Variants in AP3B2 observed in about 807,000 individuals in gnomAD.
The protein encoded by AP3B2 is adaptor related protein complex 3 subunit beta 2.
Under a neutral mutation model 126.9 loss-of-function variants are expected in AP3B2, and 50 were observed. That is an observed-to-expected ratio of 0.39 (90% CI 0.31 to 0.50). The LOEUF (loss-of-function observed/expected upper bound fraction) is 0.50. AP3B2 is among the 20% of genes least tolerant of loss of function. The probability of loss-of-function intolerance (pLI) is 0.79; values close to 1 mark genes in which losing one functional copy is unlikely to be tolerated. For missense variants in AP3B2, 1,177 were observed against 1,426.4 expected (o/e 0.83, Z 2.82); for synonymous variants, 541 against 565.0 (o/e 0.96, Z 0.60).
At chr15:82,698,339 C>G (rs926461284) in intron 1 of AP3B2, among the ~76,000 whole-genome samples, 1 of 151,956 alleles carries the variant, frequency 6.6e-6, no homozygotes, top group Non-Finnish European at 1.5e-5. Context: ...ACCCCCCAGA[C>G]ATATACCACC....
intron 14 of AP3B2, among the ~76,000 whole-genome samples, chr15:82,674,895 G>A (rs567284947): frequency 1.3e-5 from 2 of 151,444 alleles, no homozygotes; most frequent in Non-Finnish European, 1.5e-5. Flanking sequence ...GTGACAACTT[G>A]GGGGAAATGA....
chr15:82,687,210 T>C (rs550509579), intron 4 of AP3B2: 8 of 152,344 alleles, frequency 5.3e-5, no homozygotes, highest in African/African-American at 1.7e-4. Flanking sequence ...AGCCCTTGGA[T>C]AAAATCTGTC....
At chr15:82,697,339 T>TAAAAAATAAAA (rs1199221495) in intron 1 of AP3B2, among the ~76,000 whole-genome samples, 3 of 148,942 alleles carry the variant, frequency 2.0e-5, no homozygotes, top group African/African-American at 7.4e-5. Context: ...ATCTCAAAAA[T>TAAAAAATAAAA]AAAAAATAAA....
At chr15:82,679,458 C>T (rs1450168639) in intron 10 of AP3B2, among the ~76,000 whole-genome samples, 1 of 152,216 alleles carries the variant, frequency 6.6e-6, no homozygotes, top group African/African-American at 2.4e-5. Flanking sequence ...ATAATGTACA[C>T]ATCCTGGGAT....
At chr15:82,705,600 A>G (rs1388174597) in intron 1 of AP3B2, among the ~76,000 whole-genome samples, 1 of 152,094 alleles carries the variant, frequency 6.6e-6, no homozygotes, top group Non-Finnish European at 1.5e-5. Context: ...TCAGCAAACT[A>G]CCTAGGCTGT....
chr15:82,677,483 C>G (rs2048262841), intron 12 of AP3B2, 100 bp from the exon 13 acceptor site: 1 of 1,387,486 alleles, frequency 7.2e-7, no homozygotes, highest in Non-Finnish European at 9.9e-7. Flanking sequence ...GGCTCTTTCT[C>G]TCAACCCCCT....
In AP3B2 at chr15:82,664,282, G is replaced by A. The variant is rs1437646580; in HGVS notation, c.2261+85C>T. 1.3e-6 allele frequency: 2 copies of A among 1,599,908 alleles called. No individual in the cohort carries two copies. Among genetic ancestry groups the A allele is most frequent in the African/African-American group, 2.7e-5 (2 of 74,672 alleles). The stretch of plus-strand genomic sequence containing the variant: ...CTCACGAGGGGCTCAGGGGCTCTTA[G>A]GAGACTGGCTAAAGCTCAATGCTAG... On this transcript the variant is annotated intron_variant, in intron 19 of 26. Transcript: ENST00000535359. This position sits in a 1 kb window ranked among gnomAD's most constrained non-coding sequence, Gnocchi z 4.5.
intron 1 of AP3B2, among the ~76,000 whole-genome samples, chr15:82,696,552 TG>T (rs1347332718): frequency 2.0e-5 from 3 of 152,322 alleles, no homozygotes; most frequent in African/African-American, 7.2e-5. Flanking sequence ...CACTCCAGCC[TG>T]GGTGACAGAG....
In AP3B2 at chr15:82,665,027, C is replaced by T. The variant is rs1475375767; in HGVS notation, c.2029-84G>A. The T allele has an allele frequency of 1.7e-6, 2 of 1,188,796 alleles. No homozygotes were observed. The highest frequency in any genetic ancestry group is 1.5e-5 in the African/African-American group (1 of 65,852). 73.6% of individuals were successfully genotyped at this position (1,188,796 alleles called of 1,614,324 possible). A position where few individuals can be genotyped will look rare whatever the true frequency, so the allele number is the denominator to read the frequency against. On this transcript the variant is annotated intron_variant, in intron 17 of 26. Transcript: ENST00000535359. The surrounding 1 kb of genome is among the most constrained non-coding windows in gnomAD (Gnocchi z 4.4). ...GCACAAGCCCTTACCCTTTATTCCACCTCTTTGTGAGGCCCTACCTGGTCT... is the reference window on the plus strand; with the variant it reads ...GCACAAGCCCTTACCCTTTATTCCATCTCTTTGTGAGGCCCTACCTGGTCT...
intron 4 of AP3B2, 195 bp downstream of exon 4, chr15:82,688,541 T>C (rs895494979): frequency 1.4e-6 from 1 of 706,188 alleles, no homozygotes; most frequent in African/African-American, 1.7e-5. Context: ...CTTCATCTCT[T>C]ACGCCCCTTC....
Position 82,664,386 on chromosome 15 carries a change from TCTC to T in AP3B2, c.2239_2241del (p.Glu747del). ...TCTCACCTCTCACTGCCTCTCCCTT[TCTC>T]CTCATCCTCATCCTGGTCTTCATTG... On this transcript the variant is annotated inframe_deletion, in exon 19 of 27. Transcript: ENST00000535359. The surrounding 1 kb of genome is among the most constrained non-coding windows in gnomAD (Gnocchi z 4.5). 2 of 1,613,844 alleles carry T rather than the reference TCTC, an allele frequency of 1.2e-6. No individual in the cohort carries two copies. Among genetic ancestry groups the T allele is most frequent in the Non-Finnish European group, 1.7e-6 (2 of 1,179,850 alleles).
intron 1 of AP3B2, among the ~76,000 whole-genome samples, chr15:82,707,945 A>AC (rs1192734293): frequency 5.3e-5 from 8 of 151,850 alleles, no homozygotes; most frequent in African/African-American, 1.2e-4. Flanking sequence ...TCTCCATACC[A>AC]CCCCCCGCCA....
At chr15:82,689,575 G>A in intron 1 of AP3B2, 122 bp from the exon 2 acceptor site, 1 of 795,908 alleles carries the variant, frequency 1.3e-6, no homozygotes, top group Non-Finnish European at 2.1e-6. Context: ...CTGACCCGAG[G>A]AGGGACCAGA....
chr15:82,705,797 G>A (rs1219129734), intron 1 of AP3B2, among the ~76,000 whole-genome samples: 2 of 152,182 alleles, frequency 1.3e-5, no homozygotes, highest in South Asian at 2.1e-4. Flanking sequence ...TCAAGGGATG[G>A]TTAGGTACTT....
chr15:82,670,305 T>A (rs28833239), intron 14 of AP3B2, among the ~76,000 whole-genome samples: 22,344 of 152,022 alleles, frequency 0.15, 1,764 homozygotes, highest in Non-Finnish European at 0.19. Flanking sequence ...AGACAGGGTT[T>A]CGCCATGCTG....
rs73443019 is a variant in AP3B2 at position 82,662,090 on chromosome 15, C to A, written c.2918+78G>T. 1.8e-4 allele frequency: 260 copies of A among 1,423,238 alleles called. 2 individuals are homozygous for A. The African/African-American group carries it at 3.5e-3, about 19-fold the overall frequency. The allele number at this position is 1,423,238 out of a possible 1,614,324, so 88.2% of individuals were successfully genotyped here. ...ATCATGATGTATCCCCACTAAGCAC[C>A]ACCTCCATTTCCAGTTCATTGTTAC... On this transcript the variant is annotated intron_variant, in intron 24 of 26. Coordinates refer to ENST00000535359, the MANE Select transcript of AP3B2 (RefSeq NM_001278512.2).
Position 82,701,107 on chromosome 15 carries a change from C to T in AP3B2, c.113+8487G>A, listed in dbSNP as rs148553055. ...AACTCTTGATTTCAAGTGACCTGCC[C>T]GCCTCAGCCTCCCAAAGTGCTGGGA... On this transcript the variant is annotated intron_variant, in intron 1 of 26. Transcript: ENST00000535359. 2.0e-5 allele frequency among the ~76,000 whole-genome samples: 3 copies of T among 151,472 alleles called. No individual in the cohort carries two copies. In the East Asian group the frequency reaches 5.9e-4, roughly 30 times the overall value.
At chr15:82,688,649 C>T (rs1338066633) in intron 4 of AP3B2, 87 bp downstream of exon 4, 1 of 1,279,134 alleles carries the variant, frequency 7.8e-7, no homozygotes, top group African/African-American at 1.5e-5. Context: ...GAGCCCGCTC[C>T]CATGCTCATG....
chr15:82,709,685 T>A lies in AP3B2; in HGVS notation c.22A>T (p.Ser8Cys). 1 of 1,500,572 alleles carries A rather than the reference T, an allele frequency of 6.7e-7. No individual in the cohort carries two copies. The highest frequency in any genetic ancestry group is 8.9e-7 in the Non-Finnish European group (1 of 1,126,896). 93.0% of individuals were successfully genotyped at this position (1,500,572 alleles called of 1,614,324 possible). MSAAPAY[S>C]EDKGGSAGPG... Reference sequence around the variant, plus strand: ...CCAGCGGAGCCGCCCTTGTCTTCGCTGTAGGCGGGGGCGGCCGACATGGGG... The same window carrying A: ...CCAGCGGAGCCGCCCTTGTCTTCGCAGTAGGCGGGGGCGGCCGACATGGGG... Residue 8 changes from serine to cysteine, a missense_variant, in exon 1 of 27, where the codon AGC (serine) becomes TGC (cysteine). By Grantham distance (112) the Ser-to-Cys change is moderately radical. Transcript: ENST00000535359.
Sources: allele counts gnomAD v4.1 joint callset (sites outside exome capture counted in the v4.1 genomes callset), GRCh38; gene constraint gnomAD v4.1.1; non-coding constraint Gnocchi (gnomAD v3.1); transcripts MANE v1.5; gene names NCBI Gene and HGNC (gene_info 2026-07-23, HGNC 2026-07-21).